Variants in RSU1 observed in about 807,000 individuals in gnomAD.
RSU1 encodes rsu-1.
Under a neutral mutation model 31.1 loss-of-function variants are expected in RSU1, and 26 were observed. That is an observed-to-expected ratio of 0.84 (90% confidence interval 0.61 to 1.16). RSU1 has a LOEUF of 1.16. RSU1 is among the 50% of genes most tolerant of loss of function. The pLI is 0.00. For synonymous variants in RSU1, 164 were observed against 136.3 expected, an observed-to-expected ratio of 1.20 and a Z score of -1.41; for missense variants, 320 against 339.1, an observed-to-expected ratio of 0.94 and a Z score of 0.44.
chr10:16,729,068 G>A (rs576304608), intron 7 of RSU1, among the ~76,000 whole-genome samples: 14 of 152,234 alleles, frequency 9.2e-5, no homozygotes, highest in Middle Eastern at 3.4e-3. Flanking sequence ...AACATATGCC[G>A]CGTATTTATC....
intron 8 of RSU1, among the ~76,000 whole-genome samples, chr10:16,608,173 C>G (rs1297032022): frequency 6.6e-6 from 1 of 152,242 alleles, no homozygotes; most frequent in African/African-American, 2.4e-5. Context: ...TTTTCCCCTC[C>G]TCCATCGCCC....
intron 8 of RSU1, among the ~76,000 whole-genome samples, chr10:16,620,034 T>C (rs1026634717): frequency 2.0e-5 from 3 of 152,232 alleles, no homozygotes; most frequent in Admixed American, 1.3e-4. Flanking sequence ...AGGCTACCTA[T>C]GAATTCATGC....
intron 7 of RSU1, among the ~76,000 whole-genome samples, chr10:16,734,134 T>G (rs1836577694): frequency 6.6e-6 from 1 of 152,236 alleles, no homozygotes; most frequent in Non-Finnish European, 1.5e-5. Flanking sequence ...GCAACACTGT[T>G]GTAGTGAATC....
chr10:16,755,499 CATG>C (rs1333763687), intron 4 of RSU1, among the ~76,000 whole-genome samples: 1 of 151,684 alleles, frequency 6.6e-6, no homozygotes, highest in Non-Finnish European at 1.5e-5. Context: ...TGGTGTACAA[CATG>C]ATACTTCTGA....
intron 8 of RSU1, among the ~76,000 whole-genome samples, chr10:16,617,155 A>G (rs889689758): frequency 1.3e-5 from 2 of 152,392 alleles, no homozygotes; most frequent in African/African-American, 4.8e-5. Flanking sequence ...TACAAAATCA[A>G]TGTGCAAAAA....
chr10:16,800,762 A>C (rs1431286037), intron 2 of RSU1, among the ~76,000 whole-genome samples: 1 of 152,192 alleles, frequency 6.6e-6, no homozygotes, highest in East Asian at 1.9e-4. Flanking sequence ...GTGAGTTAAG[A>C]TTAATTGTAA....
At chr10:16,697,813 T>G (rs1256640110) in intron 7 of RSU1, among the ~76,000 whole-genome samples, 1 of 152,104 alleles carries the variant, frequency 6.6e-6, no homozygotes, top group Non-Finnish European at 1.5e-5. Context: ...GTGAGTATTT[T>G]CCCCTAAATA....
intron 2 of RSU1, among the ~76,000 whole-genome samples, chr10:16,811,017 G>A (rs561283230): frequency 3.0e-4 from 46 of 152,204 alleles, no homozygotes; most frequent in Admixed American, 1.4e-3. Context: ...GTGAGACCTT[G>A]TCTCAAAAAC....
intron 4 of RSU1, among the ~76,000 whole-genome samples, chr10:16,759,426 G>A (rs1837162389): frequency 6.6e-6 from 1 of 152,164 alleles, no homozygotes; most frequent in African/African-American, 2.4e-5. Context: ...AGGATCATTT[G>A]AGCCCAGGAG....
intron 8 of RSU1, among the ~76,000 whole-genome samples, chr10:16,691,127 C>T (rs1208151847): frequency 6.6e-6 from 1 of 152,156 alleles, no homozygotes; most frequent in African/African-American, 2.4e-5. Context: ...ACTGCCTCCC[C>T]TGAAGGCTGC....
intron 8 of RSU1, among the ~76,000 whole-genome samples, chr10:16,595,997 G>T (rs749375318): frequency 9.2e-5 from 14 of 151,908 alleles, no homozygotes; most frequent in African/African-American, 3.4e-4. Flanking sequence ...CCATGAAAGC[G>T]CATTTTTCAA....
chr10:16,721,691 A>T (rs2131590553), intron 7 of RSU1: 1 of 152,314 alleles, frequency 6.6e-6, no homozygotes, highest in Non-Finnish European at 1.5e-5. Context: ...TCTGAGTGGG[A>T]CAGACGTGGG....
chr10:16,714,514 C>T (rs1836093143), intron 7 of RSU1, among the ~76,000 whole-genome samples: 1 of 152,154 alleles, frequency 6.6e-6, no homozygotes, highest in African/African-American at 2.4e-5. Flanking sequence ...CTTGGTGGGA[C>T]AGGTGGCTAT....
chr10:16,789,842 T>G, intron 2 of RSU1, among the ~76,000 whole-genome samples: 1 of 152,256 alleles, frequency 6.6e-6, no homozygotes, highest in East Asian at 1.9e-4. Flanking sequence ...TATTCAACTA[T>G]GCTTTGCCCG....
At chr10:16,701,006 ATAT>A (rs1455994779) in intron 7 of RSU1, among the ~76,000 whole-genome samples, 1 of 152,208 alleles carries the variant, frequency 6.6e-6, no homozygotes, top group Non-Finnish European at 1.5e-5. Flanking sequence ...GAAAAGGATA[ATAT>A]TAAGTTTTTA....
chr10:16,718,705 GC>G (rs1836194098), intron 7 of RSU1, among the ~76,000 whole-genome samples: 1 of 152,170 alleles, frequency 6.6e-6, no homozygotes, highest in Non-Finnish European at 1.5e-5. Context: ...TGGTGGCCCG[GC>G]ATGGTGGCTC....
In RSU1 at chr10:16,645,903, CATATATGTAT is replaced by C. The variant is rs1395497798; in HGVS notation, c.731+49110_731+49119del. Reference sequence around the variant, plus strand: ...GTGTATATACATATATGTATATACACATATATGTATATATATGTGTATATACACATATGTG... The same window carrying C: ...GTGTATATACATATATGTATATACACATATATGTGTATATACACATATGTG... On this transcript the variant is annotated intron_variant, in intron 8 of 8. Coordinates refer to ENST00000345264, the MANE Select transcript of RSU1 (RefSeq NM_012425.4). Among the ~76,000 whole-genome samples the C allele has an allele frequency of 2.2e-5, 2 of 92,476 alleles. 1 individual carries two copies. Among genetic ancestry groups the C allele is most frequent in the African/African-American group, 1.4e-4 (2 of 13,990 alleles). The allele number at this position is 92,476 out of a possible 152,430, so 60.7% of individuals were successfully genotyped here.
intron 4 of RSU1, among the ~76,000 whole-genome samples, chr10:16,756,299 C>T (rs1298611136): frequency 6.6e-6 from 1 of 152,150 alleles, no homozygotes; most frequent in Non-Finnish European, 1.5e-5. Context: ...ACTGAACTGT[C>T]TACTACAAAG....
chr10:16,709,596 G>T (rs1288601641), intron 7 of RSU1, among the ~76,000 whole-genome samples: 1 of 152,172 alleles, frequency 6.6e-6, no homozygotes, highest in Non-Finnish European at 1.5e-5. Flanking sequence ...AGTTGAACTA[G>T]TTTACAGTCC....
Sources: gnomAD v4.1 joint callset for allele counts (sites outside exome capture counted in the v4.1 genomes callset) on GRCh38, gnomAD v4.1.1 for gene constraint, MANE v1.5 for transcripts, NCBI Gene and HGNC (gene_info 2026-07-23, HGNC 2026-07-21) for gene names.